PKD1L1: variants seen among roughly 807,000 people sequenced by gnomAD.
PKD1L1 encodes the protein polycystin-1-like protein 1.
Under a neutral mutation model 323.4 loss-of-function variants are expected in PKD1L1, and 236 were observed. The ratio of observed to expected loss-of-function variants is 0.73; its 90% CI spans 0.66 to 0.81. PKD1L1 has a LOEUF of 0.81. Among genes scored for constraint, PKD1L1 ranks in the 40% least tolerant of loss-of-function variants. PKD1L1 has a pLI of 0.00. For missense variants in PKD1L1, 3,320 were observed against 3,508.0 expected (o/e 0.95, Z 1.35); for synonymous variants, 1,344 against 1,335.0 (o/e 1.01, Z -0.15).
At chr7:47,908,032 T>C (rs773680490) in intron 9 of PKD1L1, 45 bp downstream of exon 9, 1 of 1,580,828 alleles carries the variant, frequency 6.3e-7, no homozygotes, top group South Asian at 1.2e-5. Context: ...CCTGCTTCAT[T>C]TATAGTTGAA....
At chr7:47,872,424 A>T (rs1786301337) in intron 24 of PKD1L1, among the ~76,000 whole-genome samples, 1 of 152,242 alleles carries the variant, frequency 6.6e-6, no homozygotes, top group South Asian at 2.1e-4. Flanking sequence ...GCAGCATAGT[A>T]CTGGTATGAG....
intron 50 of PKD1L1, among the ~76,000 whole-genome samples, chr7:47,810,994 G>T (rs1784880314): frequency 6.6e-6 from 1 of 152,066 alleles, no homozygotes; most frequent in South Asian, 2.1e-4. Flanking sequence ...GCTCTCTCTT[G>T]CTCTCTTTCC....
In PKD1L1 at chr7:47,824,831, T is replaced by C. The variant is rs559889337; in HGVS notation, c.6854+2519A>G. ...ATAGCTGGACACTACTACACTGTGTTCCTGTCCCTCCAGCAAGACGTGTGG... is the reference window on the plus strand; with the variant it reads ...ATAGCTGGACACTACTACACTGTGTCCCTGTCCCTCCAGCAAGACGTGTGG... On this transcript the variant is annotated intron_variant, in intron 45 of 56. Coordinates refer to ENST00000289672, the MANE Select transcript of PKD1L1 (RefSeq NM_138295.5). 1.0e-3 allele frequency among the ~76,000 whole-genome samples: 154 copies of C among 152,296 alleles called. 1 individual carries two copies. Among genetic ancestry groups the C allele is most frequent in the African/African-American group, 3.5e-3 (145 of 41,564 alleles).
At position 47,908,233 on chromosome 7, in the gene PKD1L1, T is replaced by C; in HGVS notation, c.1246A>G (p.Lys416Glu). The C allele has an allele frequency of 6.2e-7, 1 of 1,613,922 alleles. No homozygotes were observed. The highest frequency in any genetic ancestry group is 1.1e-5 in the South Asian group (1 of 90,988). ...TGAAACTCGTTATAAATAACAGCCT[T>C]GAGCATATAGACTCCTTCTGGAAAA... Reference protein sequence around the residue: ...AFVTKGVYMLKAVIYNEFHGT... With the variant: ...AFVTKGVYMLEAVIYNEFHGT... The change falls in exon 9 of 57, where the codon AAG (lysine) becomes GAG (glutamate). Residue 416 changes from lysine (K) to glutamate (E), a missense_variant. Lys to Glu is a moderately conservative substitution (Grantham distance 56). Transcript: ENST00000289672.
the PKD1L1 span, among the ~76,000 whole-genome samples, chr7:47,960,390 A>AAC: frequency 2.4e-5 from 3 of 125,266 alleles, no homozygotes; most frequent in East Asian, 2.5e-4. Context: ...AAAAAAAAAA[A>AAC]AAAACTGTAA....
chr7:47,857,349 G>A (rs879316854), intron 28 of PKD1L1, among the ~76,000 whole-genome samples: 7 of 152,144 alleles, frequency 4.6e-5, no homozygotes, highest in African/African-American at 1.2e-4. Flanking sequence ...AGGCCTCAAG[G>A]AAACAGTGAA....
chr7:47,888,178 T>C (rs1270433233), intron 16 of PKD1L1, 28 bp from the exon 17 acceptor site: 23 of 1,593,248 alleles, frequency 1.4e-5, no homozygotes, highest in Non-Finnish European at 2.0e-5. Flanking sequence ...GCTTGAGATC[T>C]TAGGAAAATA....
intron 46 of PKD1L1, chr7:47,818,130 G>C: frequency 7.3e-7 from 1 of 1,367,764 alleles, no homozygotes; most frequent in Non-Finnish European, 9.8e-7. Flanking sequence ...CCAGAGGGTG[G>C]AATGAAGCAA....
At chr7:47,913,011 T>C (rs1223337201) in intron 8 of PKD1L1, among the ~76,000 whole-genome samples, 3 of 151,956 alleles carry the variant, frequency 2.0e-5, no homozygotes, top group East Asian at 1.9e-4. Context: ...TCAGTAGGTC[T>C]GCAGTGGGCC....
intron 56 of PKD1L1, 75 bp downstream of exon 56, chr7:47,792,552 C>A: frequency 7.0e-7 from 1 of 1,418,880 alleles, no homozygotes. Flanking sequence ...TTTGGAAAAA[C>A]AACTATTCCA....
At chr7:47,813,033 TG>T (rs1395608298) in intron 49 of PKD1L1, 87 bp downstream of exon 49, 5 of 1,498,164 alleles carry the variant, frequency 3.3e-6, no homozygotes, top group Non-Finnish European at 4.5e-6. Context: ...AGGCTGCACC[TG>T]CTGCAGATGC....
chr7:47,927,804 C>A (rs1787683783), intron 7 of PKD1L1, among the ~76,000 whole-genome samples: 1 of 152,226 alleles, frequency 6.6e-6, no homozygotes, highest in African/African-American at 2.4e-5. Flanking sequence ...CATTAACTAT[C>A]AATTACAGAT....
At chr7:47,934,262 A>G (rs1318386216) in intron 4 of PKD1L1, among the ~76,000 whole-genome samples, 2 of 152,226 alleles carry the variant, frequency 1.3e-5, no homozygotes, top group East Asian at 3.9e-4. Flanking sequence ...TTGAATCACA[A>G]TCAATAAAAG....
rs533379676 is a variant in PKD1L1 at position 47,858,398 on chromosome 7, G to A, written c.4362+275C>T. On this transcript the variant is annotated intron_variant, in intron 27 of 56. Coordinates refer to ENST00000289672, the MANE Select transcript of PKD1L1 (RefSeq NM_138295.5). ...AGGTATCCTGAGAAATAATGTTTCT[G>A]AGTCAAACATCCCAAATATCCCAAA... is the stretch of plus-strand genomic sequence containing the variant. Among the ~76,000 whole-genome samples the A allele has an allele frequency of 9.2e-5, 14 of 152,150 alleles. No individual in the cohort carries two copies. In the South Asian group the frequency reaches 2.7e-3, roughly 29 times the overall value.
chr7:47,813,063 C>A, intron 49 of PKD1L1, 58 bp downstream of exon 49: 1 of 1,568,896 alleles, frequency 6.4e-7, no homozygotes, highest in South Asian at 1.2e-5. Flanking sequence ...CAGCAGGCAC[C>A]AGAGCTGGAG....
chr7:47,889,064 C>T (rs142023852), intron 16 of PKD1L1, among the ~76,000 whole-genome samples: 89 of 152,120 alleles, frequency 5.9e-4, no homozygotes, highest in Non-Finnish European at 1.1e-3. Context: ...GGCCACACAG[C>T]GTCCTCGCCT....
At chr7:47,947,828 G>A (rs1055597588) in intron 1 of PKD1L1, among the ~76,000 whole-genome samples, 4 of 152,162 alleles carry the variant, frequency 2.6e-5, no homozygotes, top group Non-Finnish European at 2.9e-5. Context: ...TTAGTCGGGC[G>A]TGGTGGTGGG....
intron 56 of PKD1L1, among the ~76,000 whole-genome samples, chr7:47,776,671 C>T (rs748254683): frequency 8.5e-5 from 13 of 152,252 alleles, no homozygotes; most frequent in African/African-American, 1.9e-4. Context: ...ATAAGTGTTA[C>T]CAGAATCCAA....
intron 13 of PKD1L1, among the ~76,000 whole-genome samples, chr7:47,901,050 G>GA (rs988630618): frequency 1.3e-5 from 2 of 151,802 alleles, no homozygotes; most frequent in African/African-American, 4.8e-5. Flanking sequence ...GTAAAATAAA[G>GA]AAAAAATGAC....
Sources: allele counts gnomAD v4.1 joint callset (sites outside exome capture counted in the v4.1 genomes callset), GRCh38; gene constraint gnomAD v4.1.1; transcripts MANE v1.5; gene names NCBI Gene and HGNC (gene_info 2026-07-23, HGNC 2026-07-21).